Variants in THSD4 observed in about 807,000 individuals in gnomAD.
THSD4 encodes thrombospondin type 1 domain containing 4, also known as thrombospondin type-1 domain-containing protein 4.
A neutral mutation model predicts 119.0 loss-of-function variants in THSD4; 69 were observed. That is an observed-to-expected ratio of 0.58 (90% confidence interval 0.48 to 0.71). The LOEUF (loss-of-function observed/expected upper bound fraction) is 0.71, where lower values mean the gene tolerates loss of function less well. Among genes scored for constraint, THSD4 ranks in the 30% least tolerant of loss-of-function variants. THSD4 has a pLI of 0.00. For missense variants in THSD4, 1,393 were observed against 1,391.1 expected (o/e 1.00, Z -0.02); for synonymous variants, 524 against 540.4 (o/e 0.97, Z 0.42).
At position 71,731,265 on chromosome 15, in the gene THSD4, A is replaced by G. The variant is rs571703201; in HGVS notation, c.1630+48A>G. The G allele has an allele frequency of 2.8e-5, 44 of 1,555,680 alleles. No individual in the cohort carries two copies. The Admixed American group carries it at 5.2e-4, about 18-fold the overall frequency. On this transcript the variant is annotated intron_variant, in intron 10 of 17. Transcript: ENST00000261862. ...CGGGGACTCTGGTCATTTCCTTGTA[A>G]AGCCTTCTCTCTCTCAATTCTTGTG...
At chr15:71,736,029 C>G (rs1265336561) in intron 10 of THSD4, among the ~76,000 whole-genome samples, 1 of 138,166 alleles carries the variant, frequency 7.2e-6, no homozygotes, top group Admixed American at 7.3e-5. Flanking sequence ...TCTCTCTTCT[C>G]TGTCTCTCCT....
At position 71,655,173 on chromosome 15, in the gene THSD4, A is replaced by C. The variant is rs144901010; in HGVS notation, c.1153-5357A>C. ...CCACTGGTCTTTGTAACAGCAAGAAATATCTATTCTGAACAGCAGTACACG... is the reference window on the plus strand; with the variant it reads ...CCACTGGTCTTTGTAACAGCAAGAACTATCTATTCTGAACAGCAGTACACG... On this transcript the variant is annotated intron_variant, in intron 7 of 17. Coordinates refer to ENST00000261862, the MANE Select transcript of THSD4 (RefSeq NM_024817.3). 6.9e-3 allele frequency among the ~76,000 whole-genome samples: 1,045 copies of C among 152,336 alleles called. 12 individuals carry two copies. The highest frequency in any genetic ancestry group is 0.024 in the African/African-American group (993 of 41,568).
At chr15:71,265,252 C>A (rs2044450439) in intron 6 of THSD4, among the ~76,000 whole-genome samples, 1 of 152,060 alleles carries the variant, frequency 6.6e-6, no homozygotes, top group Non-Finnish European at 1.5e-5. Context: ...AACTGAGGTA[C>A]CCAGCTTATC....
intron 7 of THSD4, among the ~76,000 whole-genome samples, chr15:71,645,699 T>C (rs2140971453): frequency 6.6e-6 from 1 of 152,316 alleles, no homozygotes; most frequent in South Asian, 2.1e-4. Flanking sequence ...AAAAAGCTTT[T>C]ATCACAGCCT....
At position 71,147,383 on chromosome 15, in the gene THSD4, A is replaced by G. The variant is rs116796023; in HGVS notation, c.29+5827A>G. The stretch of plus-strand genomic sequence containing the variant: ...CCAGGCCCAGCTCACTTTAAAAAAA[A>G]TTTTTTTGTAGAGATGTGATCTCAC... On this transcript the variant is annotated intron_variant, in intron 2 of 17. Transcript: ENST00000261862. 2.0e-5 allele frequency among the ~76,000 whole-genome samples: 3 copies of G among 151,898 alleles called. No individual in the cohort carries two copies. The South Asian group carries it at 6.3e-4, about 32-fold the overall frequency.
chr15:71,653,493 T>G (rs896151459), intron 7 of THSD4, among the ~76,000 whole-genome samples: 4 of 152,228 alleles, frequency 2.6e-5, no homozygotes, highest in Non-Finnish European at 5.9e-5. Context: ...AGAGGGATGC[T>G]CCTGGCATCT....
At chr15:71,320,235 A>G (rs1479577270) in intron 6 of THSD4, among the ~76,000 whole-genome samples, 1 of 152,328 alleles carries the variant, frequency 6.6e-6, no homozygotes, top group East Asian at 1.9e-4. Context: ...GTTTAATGGT[A>G]CAATTCCATA....
intron 6 of THSD4, among the ~76,000 whole-genome samples, chr15:71,374,913 C>A (rs115311670): frequency 6.6e-6 from 1 of 152,130 alleles, no homozygotes; most frequent in Admixed American, 6.5e-5. Flanking sequence ...AAAAGTGAGC[C>A]TCCCAGACTA....
Position 71,660,710 on chromosome 15 carries a change from A to C in THSD4, c.1333A>C (p.Met445Leu), listed in dbSNP as rs760362923. Residue 445 changes from methionine (M) to leucine (L), a missense_variant, in exon 8 of 18, where the codon ATG becomes CTG. Physicochemically the swap from Met to Leu is conservative, Grantham distance 15. Transcript: ENST00000261862. ...AGCCACGAAAATCAACATCACGGAGATGTACAAGAGCAACAACTATTTGGG... is the reference window on the plus strand; with the variant it reads ...AGCCACGAAAATCAACATCACGGAGCTGTACAAGAGCAACAACTATTTGGG... ...EGATKINITE[M>L]YKSNNYLALR... 6.2e-7 allele frequency: 1 copy of C among 1,614,092 alleles called. No individual in the cohort carries two copies. The highest frequency in any genetic ancestry group is 2.2e-5 in the East Asian group (1 of 44,860).
intron 7 of THSD4, among the ~76,000 whole-genome samples, chr15:71,556,705 C>T (rs987487133): frequency 6.6e-6 from 1 of 150,606 alleles, no homozygotes; most frequent in Non-Finnish European, 1.5e-5. Context: ...GCTGACGCTG[C>T]AGTGAGCCAT....
intron 6 of THSD4, among the ~76,000 whole-genome samples, chr15:71,397,176 G>A (rs1304549366): frequency 6.6e-6 from 1 of 152,176 alleles, no homozygotes; most frequent in Non-Finnish European, 1.5e-5. Context: ...CCAGCATCTT[G>A]TGTGCTTCGT....
At chr15:71,188,026 T>C (rs1342643037) in intron 3 of THSD4, among the ~76,000 whole-genome samples, 1 of 152,236 alleles carries the variant, frequency 6.6e-6, no homozygotes, top group African/African-American at 2.4e-5. Flanking sequence ...TAGTGCCTCT[T>C]TTCACTCTCA....
chr15:71,314,706 G>T (rs1296944522), intron 6 of THSD4, among the ~76,000 whole-genome samples: 1 of 152,168 alleles, frequency 6.6e-6, no homozygotes, highest in Non-Finnish European at 1.5e-5. Flanking sequence ...ACAAAGTTGT[G>T]ATCCAAGTAT....
chr15:71,135,406 A>AAAG (rs2040542056), intron 1 of THSD4, among the ~76,000 whole-genome samples: 1 of 151,076 alleles, frequency 6.6e-6, no homozygotes, highest in African/African-American at 2.4e-5. Context: ...AAAAAAAAAA[A>AAAG]AAGAAGAAGC....
intron 1 of THSD4, among the ~76,000 whole-genome samples, chr15:71,120,839 G>A (rs1257595511): frequency 5.9e-5 from 9 of 152,218 alleles, no homozygotes. Context: ...GGAAATCACA[G>A]GGGAATTATC....
At chr15:71,594,617 C>G (rs143114545) in intron 7 of THSD4, among the ~76,000 whole-genome samples, 86 of 152,288 alleles carry the variant, frequency 5.6e-4, no homozygotes, top group African/African-American at 2.0e-3. Flanking sequence ...TAGGCCTCTT[C>G]CCTGGGGTCT....
rs1387778517 is a variant in THSD4 at position 71,692,776 on chromosome 15, TAAG to T, written c.1357+32046_1357+32048del. Reference sequence around the variant, plus strand: ...CGTCTGCTGGCTGTGTTCCTGGTAATAAGAAGCGCTGTCCTCTGAAGGGACTCA... The same window carrying T: ...CGTCTGCTGGCTGTGTTCCTGGTAATAAGCGCTGTCCTCTGAAGGGACTCA... On this transcript the variant is annotated intron_variant, in intron 8 of 17. Coordinates refer to ENST00000261862, the MANE Select transcript of THSD4 (RefSeq NM_024817.3). Among the ~76,000 whole-genome samples, 22 of 152,156 alleles carry T rather than the reference TAAG, an allele frequency of 1.4e-4. 1 individual carries two copies. Among genetic ancestry groups the T allele is most frequent in the Admixed American group, 3.9e-4 (6 of 15,278 alleles).
At chr15:71,578,167 C>CATTATATATATATATTATATATATAT (rs2049490744) in intron 7 of THSD4, among the ~76,000 whole-genome samples, 1 of 148,158 alleles carries the variant, frequency 6.7e-6, no homozygotes, top group African/African-American at 2.5e-5. Flanking sequence ...TATATATATT[C>CATTATATATATATATTATATATATAT]ATTATATATA....
intron 7 of THSD4, among the ~76,000 whole-genome samples, chr15:71,493,860 TCA>T (rs2047965405): frequency 6.6e-6 from 1 of 152,196 alleles, no homozygotes. Context: ...CAAGAAGGGC[TCA>T]GAGTGGTCAC....
Sources: gnomAD v4.1 joint callset for allele counts (sites outside exome capture counted in the v4.1 genomes callset) on GRCh38, gnomAD v4.1.1 for gene constraint, MANE v1.5 for transcripts, NCBI Gene and HGNC (gene_info 2026-07-23, HGNC 2026-07-21) for gene names.